The following CSMD1 variants were observed in gnomAD, a reference collection of about 807,000 sequenced individuals.
The protein encoded by CSMD1 is CUB and sushi domain-containing protein 1.
Under a neutral mutation model 417.5 loss-of-function variants are expected in CSMD1, and 213 were observed. The ratio of observed to expected loss-of-function variants is 0.51; its 90% confidence interval spans 0.46 to 0.57. The LOEUF is 0.57. Ranked by LOEUF, CSMD1 falls within the 20% of genes least tolerant of loss-of-function variation. The pLI is 0.00. For synonymous variants in CSMD1, 2,862 were observed against 1,736.8 expected (o/e 1.65, Z -16.11); for missense variants, 6,923 against 4,529.7 (o/e 1.53, Z -15.17).
intron 5 of CSMD1, among the ~76,000 whole-genome samples, chr8:3,878,641 T>C (rs934057585): frequency 9.2e-5 from 14 of 152,212 alleles, no homozygotes; most frequent in African/African-American, 3.4e-4. Flanking sequence ...CAGAAAAATC[T>C]CCAAAAGACC....
chr8:3,034,052 C>G (rs1810512478), intron 50 of CSMD1, among the ~76,000 whole-genome samples: 1 of 152,234 alleles, frequency 6.6e-6, no homozygotes, highest in African/African-American at 2.4e-5. Context: ...CTTCCTTTTT[C>G]TATCAGTGCT....
intron 1 of CSMD1, among the ~76,000 whole-genome samples, chr8:4,812,418 T>C (rs7818949): frequency 1.1e-4 from 17 of 152,216 alleles, no homozygotes; most frequent in African/African-American, 3.9e-4. Context: ...AGTGACTTTG[T>C]CAATTTCTAA....
At chr8:3,015,782 G>C (rs1808778573) in intron 52 of CSMD1, among the ~76,000 whole-genome samples, 1 of 152,060 alleles carries the variant, frequency 6.6e-6, no homozygotes, top group African/African-American at 2.4e-5. Flanking sequence ...ACAGGGAAAG[G>C]GTTAATTCAA....
intron 5 of CSMD1, among the ~76,000 whole-genome samples, chr8:3,780,928 T>G (rs1427778234): frequency 1.3e-5 from 2 of 152,208 alleles, no homozygotes; most frequent in Admixed American, 6.5e-5. Context: ...AGACCATGGC[T>G]TTCTAAATGT....
At chr8:4,220,840 A>G (rs182053245) in intron 3 of CSMD1, among the ~76,000 whole-genome samples, 38 of 152,324 alleles carry the variant, frequency 2.5e-4, no homozygotes, top group Admixed American at 2.6e-4. Context: ...AGTGAGAACT[A>G]CAAGAGGAAA....
At chr8:4,992,047 G>A (rs188590831) in intron 1 of CSMD1, among the ~76,000 whole-genome samples, 1 of 152,282 alleles carries the variant, frequency 6.6e-6, no homozygotes, top group African/African-American at 2.4e-5. Flanking sequence ...CTGGGACCCT[G>A]GGCTCCACTT....
At chr8:4,760,309 C>G (rs1811958964) in intron 1 of CSMD1, among the ~76,000 whole-genome samples, 1 of 152,140 alleles carries the variant, frequency 6.6e-6, no homozygotes. Context: ...TTCTTCTAAT[C>G]CTTATAAACT....
intron 5 of CSMD1, among the ~76,000 whole-genome samples, chr8:3,991,469 C>T (rs371418712): frequency 6.6e-6 from 1 of 152,082 alleles, no homozygotes; most frequent in South Asian, 2.1e-4. Flanking sequence ...TCTTAGAAGC[C>T]TGATAATATC....
intron 1 of CSMD1, among the ~76,000 whole-genome samples, chr8:4,693,781 A>G (rs571051897): frequency 2.8e-5 from 3 of 107,570 alleles, no homozygotes; most frequent in South Asian, 3.2e-4. Flanking sequence ...GGCTCAAGCC[A>G]TTCTCCTGCC....
At chr8:4,735,877 C>A (rs776707350) in intron 1 of CSMD1, among the ~76,000 whole-genome samples, 2 of 152,186 alleles carry the variant, frequency 1.3e-5, no homozygotes, top group Admixed American at 6.5e-5. Flanking sequence ...GATTTACATA[C>A]AACACGCTAC....
chr8:4,233,770 A>G (rs1018975249), intron 3 of CSMD1, among the ~76,000 whole-genome samples: 2 of 152,200 alleles, frequency 1.3e-5, no homozygotes, highest in African/African-American at 2.4e-5. Flanking sequence ...TGCACAAATA[A>G]TATCTGAGAA....
chr8:4,167,903 G>A lies in CSMD1; in HGVS notation c.416-135804C>T, dbSNP rs535456129. On this transcript the variant is annotated intron_variant, in intron 3 of 69. Transcript: ENST00000635120. The stretch of plus-strand genomic sequence containing the variant: ...AGCACTTTGGGAGGCTGAGGCAGGC[G>A]GACTGCCTGAGGTCAGGAGTTCAAG... Among the ~76,000 whole-genome samples, 7 of 151,912 alleles carry A rather than the reference G, an allele frequency of 4.6e-5. No homozygotes were observed. In the South Asian group the frequency reaches 8.3e-4, roughly 18 times the overall value.
intron 1 of CSMD1, among the ~76,000 whole-genome samples, chr8:4,912,208 T>C (rs1805735164): frequency 6.6e-6 from 1 of 150,462 alleles, no homozygotes; most frequent in Non-Finnish European, 1.5e-5. Flanking sequence ...GTCCTCTTAC[T>C]GAGCTAGGTG....
chr8:3,213,107 G>A (rs919129911), intron 30 of CSMD1, among the ~76,000 whole-genome samples: 2 of 152,142 alleles, frequency 1.3e-5, no homozygotes, highest in African/African-American at 4.8e-5. Flanking sequence ...GATTACAGGT[G>A]TGAGCCACGC....
At chr8:4,750,779 C>T (rs1312558476) in intron 1 of CSMD1, among the ~76,000 whole-genome samples, 1 of 151,360 alleles carries the variant, frequency 6.6e-6, no homozygotes, top group Non-Finnish European at 1.5e-5. Flanking sequence ...GTAGTATTAG[C>T]ATAAAATGTT....
chr8:4,846,571 T>C (rs1422640624), intron 1 of CSMD1, among the ~76,000 whole-genome samples: 1 of 152,230 alleles, frequency 6.6e-6, no homozygotes, highest in Non-Finnish European at 1.5e-5. Flanking sequence ...AAACTCATGG[T>C]ACTTTTCTAC....
intron 10 of CSMD1, among the ~76,000 whole-genome samples, chr8:3,571,719 C>G (rs1799950302): frequency 1.3e-5 from 2 of 151,892 alleles, no homozygotes; most frequent in South Asian, 4.2e-4. Context: ...GTTCCTCCGT[C>G]CCTGTGCTGG....
chr8:4,056,141 G>C (rs965715627), intron 3 of CSMD1, among the ~76,000 whole-genome samples: 1 of 135,956 alleles, frequency 7.4e-6, no homozygotes, highest in Non-Finnish European at 1.5e-5. Context: ...CAATACAGTG[G>C]CACCATCTTG....
chr8:4,596,586 G>A (rs1162937167), intron 2 of CSMD1, among the ~76,000 whole-genome samples: 1 of 151,980 alleles, frequency 6.6e-6, no homozygotes, highest in Admixed American at 6.6e-5. Context: ...AATCTCTGAA[G>A]TGCATATATT....
Sources: allele counts gnomAD v4.1 joint callset (sites outside exome capture counted in the v4.1 genomes callset), GRCh38; gene constraint gnomAD v4.1.1; transcripts MANE v1.5; gene names NCBI Gene and HGNC (gene_info 2026-07-23, HGNC 2026-07-21).